The following ZNF609 variants were observed in gnomAD, a reference collection of about 807,000 sequenced individuals.
ZNF609 encodes the protein zinc finger protein 609.
ZNF609 carries 11 observed loss-of-function variants against 109.5 expected under a neutral mutation model. That is an observed-to-expected ratio of 0.10 (90% CI 0.06 to 0.17). ZNF609 has a LOEUF of 0.17. Among genes scored for constraint, ZNF609 ranks in the 10% least tolerant of loss-of-function variants. The pLI, the probability that ZNF609 is intolerant of heterozygous loss-of-function variation, is 1.00. For missense variants in ZNF609, 1,559 were observed against 1,772.4 expected, an observed-to-expected ratio of 0.88 and a Z score of 2.16; for synonymous variants, 646 against 662.0, an observed-to-expected ratio of 0.98 and a Z score of 0.37.
Position 64,683,018 on chromosome 15 carries a change from C to G in ZNF609, c.*1332C>G, listed in dbSNP as rs2083219721. On this transcript the variant is annotated 3_prime_UTR_variant, in exon 10 of 10. Transcript: ENST00000326648. ...CTGTGCTTTGAGGCAGCCAACATTT[C>G]TCTGCTCTCCTTAGAAATGCAGTCT... The G allele has an allele frequency of 6.6e-6, 1 of 152,636 alleles. No homozygotes were observed. The highest frequency in any genetic ancestry group is 1.9e-4 in the East Asian group (1 of 5,198). The allele number at this position is 152,636 out of a possible 1,614,324, so 9.5% of individuals were successfully genotyped here. A position where few individuals can be genotyped will look rare whatever the true frequency, so the allele number is the denominator to read the frequency against.
In ZNF609 at chr15:64,683,016, T is replaced by TTCTCTGC. The variant is rs1279736168; in HGVS notation, c.*1335_*1341dup. ...AGCTGTGCTTTGAGGCAGCCAACATTTCTCTGCTCTCCTTAGAAATGCAGT... is the reference window on the plus strand; with the variant it reads ...AGCTGTGCTTTGAGGCAGCCAACATTTCTCTGCTCTCTGCTCTCCTTAGAAATGCAGT... On this transcript the variant is annotated 3_prime_UTR_variant, in exon 10 of 10. Coordinates refer to ENST00000326648, the MANE Select transcript of ZNF609 (RefSeq NM_015042.2). 2 of 152,768 alleles carry TTCTCTGC rather than the reference T, an allele frequency of 1.3e-5. No individual in the cohort carries two copies. The highest frequency in any genetic ancestry group is 3.9e-4 in the East Asian group (2 of 5,182). The allele number at this position is 152,768 out of a possible 1,614,324, so 9.5% of individuals were successfully genotyped here. A position where few individuals can be genotyped will look rare whatever the true frequency, so the allele number is the denominator to read the frequency against.
At chr15:64,584,937 A>G (rs2140430280) in intron 2 of ZNF609, among the ~76,000 whole-genome samples, 1 of 151,490 alleles carries the variant, frequency 6.6e-6, no homozygotes, top group Non-Finnish European at 1.5e-5. Context: ...GCTATTTTTA[A>G]AAATATAAAA....
At position 64,674,582 on chromosome 15, in the gene ZNF609, CCCTTCT is replaced by C; in HGVS notation, c.1734_1739del (p.Pro579_Ser580del). On this transcript the variant is annotated inframe_deletion, in exon 5 of 10. Transcript: ENST00000326648. The stretch of plus-strand genomic sequence containing the variant: ...AAGTTCGACTTGTAGAGCCCCATAG[CCCTTCT>C]CCTTCAAGCAAATTCAGCACAAAAG... 1 of 1,614,072 alleles carries C rather than the reference CCCTTCT, an allele frequency of 6.2e-7. No individual in the cohort carries two copies. The highest frequency in any genetic ancestry group is 8.5e-7 in the Non-Finnish European group (1 of 1,180,014).
At chr15:64,664,975 C>T (rs1424503268) in intron 3 of ZNF609, among the ~76,000 whole-genome samples, 1 of 152,172 alleles carries the variant, frequency 6.6e-6, no homozygotes, top group Non-Finnish European at 1.5e-5. Flanking sequence ...ATGCCTATCT[C>T]TAAGTCTTAC....
intron 2 of ZNF609, among the ~76,000 whole-genome samples, chr15:64,538,336 T>A (rs918910108): frequency 6.6e-6 from 1 of 152,200 alleles, no homozygotes; most frequent in Non-Finnish European, 1.5e-5. Context: ...CCTGGCATTT[T>A]AAGCTTTTGA....
chr15:64,644,686 G>A (rs1009660463), intron 3 of ZNF609, among the ~76,000 whole-genome samples: 1 of 152,178 alleles, frequency 6.6e-6, no homozygotes, highest in African/African-American at 2.4e-5. Flanking sequence ...AGTCTTGCAT[G>A]TAAGTCCAAA....
At chr15:64,487,141 A>G (rs1311583040) in intron 1 of ZNF609, among the ~76,000 whole-genome samples, 2 of 151,842 alleles carry the variant, frequency 1.3e-5, no homozygotes, top group Non-Finnish European at 2.9e-5. Flanking sequence ...TTATATCCCT[A>G]TTTCTGATTA....
At chr15:64,462,977 A>G (rs1892963927) in intron 1 of ZNF609, among the ~76,000 whole-genome samples, 1 of 152,230 alleles carries the variant, frequency 6.6e-6, no homozygotes, top group South Asian at 2.1e-4. Context: ...ATTTGGGACC[A>G]GGCATGGTGC....
Position 64,674,820 on chromosome 15 carries a change from G to T in ZNF609, c.1966G>T (p.Ala656Ser), listed in dbSNP as rs925966395. 1.2e-6 allele frequency: 2 copies of T among 1,614,072 alleles called. No individual in the cohort carries two copies. Among genetic ancestry groups the T allele is most frequent in the Non-Finnish European group, 1.7e-6 (2 of 1,180,000 alleles). The change falls in exon 5 of 10, where the codon GCC becomes TCC. Residue 656 changes from alanine to serine, a missense_variant. By Grantham distance (99) the Ala-to-Ser change is moderately conservative. Coordinates refer to ENST00000326648, the MANE Select transcript of ZNF609 (RefSeq NM_015042.2). ...EKIPSKSLKSARPIAPAIPPQ... is the reference protein window; with the variant it reads ...EKIPSKSLKSSRPIAPAIPPQ... ...GATTCCTTCCAAGAGCCTAAAGTCA[G>T]CCCGTCCCATTGCCCCTGCCATCCC...
chr15:64,523,189 G>A (rs1443412926), intron 2 of ZNF609, among the ~76,000 whole-genome samples: 2 of 152,060 alleles, frequency 1.3e-5, no homozygotes, highest in Admixed American at 6.6e-5. Context: ...GACAGAAATG[G>A]GGAGAGATGT....
chr15:64,640,135 A>C (rs1324183803), intron 3 of ZNF609, among the ~76,000 whole-genome samples: 1 of 151,960 alleles, frequency 6.6e-6, no homozygotes, highest in Non-Finnish European at 1.5e-5. Context: ...GTTGGCCAGG[A>C]TGGTGTTGAT....
intron 1 of ZNF609, among the ~76,000 whole-genome samples, chr15:64,497,719 A>G (rs1281194900): frequency 1.3e-5 from 2 of 151,998 alleles, no homozygotes; most frequent in Non-Finnish European, 2.9e-5. Context: ...CCTGGCCAAC[A>G]TGGTGAAACC....
intron 2 of ZNF609, among the ~76,000 whole-genome samples, chr15:64,563,661 A>G (rs140388184): frequency 1.5e-3 from 234 of 152,060 alleles, no homozygotes; most frequent in African/African-American, 5.5e-3. Flanking sequence ...CTGTAATCCC[A>G]GCTACTCAGG....
intron 2 of ZNF609, among the ~76,000 whole-genome samples, chr15:64,560,366 GTT>G (rs540792035): frequency 6.9e-6 from 1 of 144,858 alleles, no homozygotes; most frequent in African/African-American, 2.5e-5. Context: ...TTTTTAATTT[GTT>G]TTTTTTTTTC....
At chr15:64,644,562 T>C (rs532111130) in intron 3 of ZNF609, among the ~76,000 whole-genome samples, 54 of 152,306 alleles carry the variant, frequency 3.5e-4, no homozygotes, top group African/African-American at 1.3e-3. Context: ...GATCCAGTGT[T>C]ACATACCTAA....
At chr15:64,591,056 G>A (rs1488255903) in intron 2 of ZNF609, among the ~76,000 whole-genome samples, 8 of 152,088 alleles carry the variant, frequency 5.3e-5, no homozygotes, top group African/African-American at 1.2e-4. Flanking sequence ...CTTAAAGGCC[G>A]GGCATGCTCG....
chr15:64,644,490 A>G (rs892986451), intron 3 of ZNF609, among the ~76,000 whole-genome samples: 1 of 152,232 alleles, frequency 6.6e-6, no homozygotes, highest in African/African-American at 2.4e-5. Flanking sequence ...CCCTGTGTCA[A>G]TAAAAAACAA....
intron 2 of ZNF609, among the ~76,000 whole-genome samples, chr15:64,612,557 C>G (rs1895734092): frequency 6.6e-6 from 1 of 151,524 alleles, no homozygotes; most frequent in Admixed American, 6.6e-5. Flanking sequence ...GGAAATTAAC[C>G]AGATTTATAA....
chr15:64,488,920 AAG>A lies in ZNF609; in HGVS notation c.-127-10371_-127-10370del, dbSNP rs1566996241. On this transcript the variant is annotated intron_variant, in intron 1 of 9. Transcript: ENST00000326648. Reference sequence around the variant, plus strand: ...AGACTTTGTTTCTACAAAAAAAAGAAAGAAAGAAAGAAAGAAAGAAAGAAACA... The same window carrying A: ...AGACTTTGTTTCTACAAAAAAAAGAAAAAGAAAGAAAGAAAGAAAGAAACA... Among the ~76,000 whole-genome samples, 372 of 15,432 alleles carry A rather than the reference AAG, an allele frequency of 0.024. 4 individuals carry two copies. The East Asian group carries it at 0.42, about 18-fold the overall frequency. 10.1% of individuals were successfully genotyped at this position (15,432 alleles called of 152,430 possible).
Sources: gnomAD v4.1 joint callset for allele counts (sites outside exome capture counted in the v4.1 genomes callset) on GRCh38, gnomAD v4.1.1 for gene constraint, MANE v1.5 for transcripts, NCBI Gene and HGNC (gene_info 2026-07-23, HGNC 2026-07-21) for gene names.